Variants in THSD4 observed in about 807,000 individuals in gnomAD.
The protein encoded by THSD4 is thrombospondin type-1 domain-containing protein 4.
In THSD4, 69 loss-of-function variants were observed where a neutral mutation model predicts 119.0. That is an observed-to-expected ratio of 0.58 (90% CI 0.48 to 0.71). The LOEUF (loss-of-function observed/expected upper bound fraction) is 0.71, where lower values mean the gene tolerates loss of function less well. Among genes scored for constraint, THSD4 ranks in the 30% least tolerant of loss-of-function variants. The pLI is 0.00. For synonymous variants in THSD4, 524 were observed against 540.4 expected (o/e 0.97, Z 0.42); for missense variants, 1,393 against 1,391.1 (o/e 1.00, Z -0.02).
Position 71,459,160 on chromosome 15 carries a change from C to CTTTTTTTTTTTTTTT in THSD4, c.1152+47341_1152+47355dup, listed in dbSNP as rs372209662. Among the ~76,000 whole-genome samples, 96 of 128,872 alleles carry CTTTTTTTTTTTTTTT rather than the reference C, an allele frequency of 7.4e-4. 1 individual carries two copies. The highest frequency in any genetic ancestry group is 1.0e-3 in the Non-Finnish European group (63 of 61,620). The allele number at this position is 128,872 out of a possible 152,430, so 84.5% of individuals were successfully genotyped here. ...CTTTTCTTTTTCATTTTCTTTTTTT[C>CTTTTTTTTTTTTTTT]TTTTTTTTTTTTTTTTTTGACAGAG... On this transcript the variant is annotated intron_variant, in intron 7 of 17. Coordinates refer to ENST00000261862, the MANE Select transcript of THSD4 (RefSeq NM_024817.3).
intron 7 of THSD4, among the ~76,000 whole-genome samples, chr15:71,564,795 CAA>C (rs1487362913): frequency 0.82 from 108,602 of 132,368 alleles, 46,469 homozygotes; most frequent in Non-Finnish European, 0.89. Flanking sequence ...ACATATAATA[CAA>C]TATATATTGT....
At chr15:71,369,037 T>C (rs1041250081) in intron 6 of THSD4, among the ~76,000 whole-genome samples, 2,890 of 152,140 alleles carry the variant, frequency 0.019, 44 homozygotes, top group Non-Finnish European at 0.026. Flanking sequence ...ATTTTATTCT[T>C]TTTGAAGCAA....
chr15:71,264,168 G>A (rs1414974733), intron 6 of THSD4, among the ~76,000 whole-genome samples: 2 of 152,228 alleles, frequency 1.3e-5, no homozygotes, highest in Admixed American at 1.3e-4. Flanking sequence ...ATGAGGGAGG[G>A]AGGCTTGTGA....
intron 7 of THSD4, among the ~76,000 whole-genome samples, chr15:71,412,269 C>T (rs1348855434): frequency 2.4e-4 from 36 of 152,154 alleles, no homozygotes; most frequent in Admixed American, 2.3e-3. Flanking sequence ...AAAGTTGTTT[C>T]ATGCCTTTTA....
At chr15:71,533,061 C>A (rs1193029918) in intron 7 of THSD4, among the ~76,000 whole-genome samples, 1 of 152,196 alleles carries the variant, frequency 6.6e-6, no homozygotes, top group Non-Finnish European at 1.5e-5. Flanking sequence ...ATTGAGTCTT[C>A]CCTGGGTTTC....
chr15:71,456,276 A>C (rs898898466), intron 7 of THSD4, among the ~76,000 whole-genome samples: 7 of 152,222 alleles, frequency 4.6e-5, no homozygotes, highest in Non-Finnish European at 1.0e-4. Flanking sequence ...TCACAGTTTA[A>C]GGCAAAGTAA....
chr15:71,242,675 C>T lies in THSD4; in HGVS notation c.491C>T (p.Pro164Leu), dbSNP rs991478721. ...AGCAGGACCCGTGGTACCATTGGCC[C>T]TGGCAAGTATGGCTATGGTAAGGCC... is the stretch of plus-strand genomic sequence containing the variant. ...RRSRTRGTIG[P>L]GKYGYGKAPY... is the part of the protein sequence containing the mutation. The change falls in exon 5 of 18, where the codon CCT becomes CTT. Residue 164 changes from proline to leucine, a missense_variant. Transcript: ENST00000261862. The T allele has an allele frequency of 2.5e-6, 4 of 1,614,166 alleles. No individual in the cohort carries two copies. Among genetic ancestry groups the T allele is most frequent in the Non-Finnish European group, 3.4e-6 (4 of 1,180,004 alleles).
intron 3 of THSD4, among the ~76,000 whole-genome samples, chr15:71,163,849 C>T (rs527957232): frequency 7.1e-4 from 106 of 149,840 alleles, no homozygotes; most frequent in African/African-American, 2.5e-3. Flanking sequence ...GTATTTTAAG[C>T]TCACGCTTTT....
intron 6 of THSD4, among the ~76,000 whole-genome samples, chr15:71,265,414 A>C (rs2044452440): frequency 6.6e-6 from 1 of 151,956 alleles, no homozygotes. Flanking sequence ...GGAATGGTGC[A>C]CTCTAGCCCA....
chr15:71,300,934 G>A (rs1232614924), intron 6 of THSD4, among the ~76,000 whole-genome samples: 1 of 152,190 alleles, frequency 6.6e-6, no homozygotes, highest in Non-Finnish European at 1.5e-5. Flanking sequence ...TTGTCCAAAG[G>A]AATATGGGTT....
At chr15:71,237,184 C>T (rs766514981) in intron 4 of THSD4, among the ~76,000 whole-genome samples, 9 of 152,022 alleles carry the variant, frequency 5.9e-5, no homozygotes, top group Non-Finnish European at 1.0e-4. Flanking sequence ...GGTGGAAGAG[C>T]CAGCCGTCTT....
At chr15:71,251,798 G>A (rs1275428377) in intron 5 of THSD4, among the ~76,000 whole-genome samples, 1 of 152,052 alleles carries the variant, frequency 6.6e-6, no homozygotes, top group Non-Finnish European at 1.5e-5. Context: ...AGTGAAGTTG[G>A]GTACAGGCAG....
chr15:71,114,600 A>G (rs2141347471), upstream of THSD4, among the ~76,000 whole-genome samples: 1 of 152,322 alleles, frequency 6.6e-6, no homozygotes, highest in African/African-American at 2.4e-5. Flanking sequence ...AGGACTCAAG[A>G]AACGGGGCCC....
At chr15:71,339,172 C>A (rs1055739640) in intron 6 of THSD4, among the ~76,000 whole-genome samples, 1 of 152,152 alleles carries the variant, frequency 6.6e-6, no homozygotes, top group African/African-American at 2.4e-5. Context: ...TTCTTCATAG[C>A]ATTTTAGCAT....
intron 3 of THSD4, among the ~76,000 whole-genome samples, chr15:71,173,594 T>TTA (rs909846214): frequency 6.7e-6 from 1 of 149,006 alleles, no homozygotes; most frequent in Non-Finnish European, 1.5e-5. Flanking sequence ...ATATACATTT[T>TTA]TATATATATA....
chr15:71,215,107 G>A lies in THSD4; in HGVS notation c.172G>A (p.Ala58Thr), dbSNP rs983651415. Reference sequence around the variant, plus strand: ...CGGCGGCGCCCCGGGAGTGTGGGGCGCCTGGGGCCCCTGGTCGGCCTGCTC... The same window carrying A: ...CGGCGGCGCCCCGGGAGTGTGGGGCACCTGGGGCCCCTGGTCGGCCTGCTC... ...GGGGAPGVWG[A>T]WGPWSACSRS... Residue 58 changes from alanine (A) to threonine (T), a missense_variant, in exon 4 of 18, where the codon GCC becomes ACC. By Grantham distance (58) the Ala-to-Thr change is moderately conservative. Coordinates refer to ENST00000261862, the MANE Select transcript of THSD4 (RefSeq NM_024817.3). 2 of 1,337,746 alleles carry A rather than the reference G, an allele frequency of 1.5e-6. No homozygotes were observed. Among genetic ancestry groups the A allele is most frequent in the Admixed American group, 7.1e-5 (2 of 28,064 alleles). 82.9% of individuals were successfully genotyped at this position (1,337,746 alleles called of 1,614,324 possible). A position where few individuals can be genotyped will look rare whatever the true frequency, so the allele number is the denominator to read the frequency against.
intron 17 of THSD4, among the ~76,000 whole-genome samples, chr15:71,775,817 G>A (rs546659419): frequency 1.2e-4 from 18 of 152,226 alleles, no homozygotes; most frequent in African/African-American, 3.6e-4. Flanking sequence ...CCATGTTGAG[G>A]GACTTTTCCT....
intron 7 of THSD4, among the ~76,000 whole-genome samples, chr15:71,659,714 A>C (rs954458): frequency 0.26 from 39,662 of 152,124 alleles, 5,956 homozygotes; most frequent in East Asian, 0.7. Context: ...GTCTGGCCCA[A>C]AGTTTAATTT....
chr15:71,481,538 T>C (rs4777393), intron 7 of THSD4, among the ~76,000 whole-genome samples: 140,546 of 152,028 alleles, frequency 0.92, 65,800 homozygotes, highest in East Asian at 1. Flanking sequence ...TAGATACACG[T>C]AGCCCAGATG....
Sources: allele counts gnomAD v4.1 joint callset (sites outside exome capture counted in the v4.1 genomes callset), GRCh38; gene constraint gnomAD v4.1.1; transcripts MANE v1.5; gene names NCBI Gene and HGNC (gene_info 2026-07-23, HGNC 2026-07-21).